AGMO: variants seen among roughly 807,000 people sequenced by gnomAD.
AGMO encodes the protein glyceryl-ether monooxygenase.
AGMO carries 75 observed loss-of-function variants against 60.2 expected under a neutral mutation model. That is an observed-to-expected ratio of 1.25 (90% CI 1.03 to 1.51). The LOEUF (loss-of-function observed/expected upper bound fraction) is 1.51, where lower values mean the gene tolerates loss of function less well. Among genes scored for constraint, AGMO ranks in the 40% most tolerant of loss-of-function variants. AGMO has a pLI of 0.00. For synonymous variants in AGMO, 261 were observed against 177.1 expected, an observed-to-expected ratio of 1.47 and a Z score of -3.76; for missense variants, 763 against 525.5, an observed-to-expected ratio of 1.45 and a Z score of -4.42.
chr7:15,365,599 T>G lies in AGMO; in HGVS notation c.1178A>C (p.Glu393Ala). ...LDQRPKAAIM[E>A]TLRCLMFLML... is the part of the protein sequence containing the mutation. ...TAAGAACATCAAGCAACGGAGAGTT[T>G]CCATAATAGCTGCCTTGGGTCTGAA... Residue 393 changes from glutamate to alanine, a missense_variant, in exon 12 of 13, where the codon GAA (glutamate) becomes GCA (alanine). Coordinates refer to ENST00000342526, the MANE Select transcript of AGMO (RefSeq NM_001004320.2). 6.2e-7 allele frequency: 1 copy of G among 1,612,558 alleles called. No individual in the cohort carries two copies. Among genetic ancestry groups the G allele is most frequent in the Non-Finnish European group, 8.5e-7 (1 of 1,178,886 alleles).
downstream of AGMO, among the ~76,000 whole-genome samples, chr7:15,195,395 G>C (rs1446795315): frequency 6.6e-6 from 1 of 152,244 alleles, no homozygotes; most frequent in Admixed American, 6.5e-5. Context: ...GGGTTGTACA[G>C]ATTGGCTTGA....
chr7:15,254,868 T>C (rs766848693), intron 12 of AGMO, among the ~76,000 whole-genome samples: 3 of 151,694 alleles, frequency 2.0e-5, no homozygotes, highest in South Asian at 2.1e-4. Context: ...TTAGAAAACA[T>C]AGAAGAAATG....
chr7:15,202,840 G>C (rs949998816), intron 12 of AGMO, among the ~76,000 whole-genome samples: 1 of 152,050 alleles, frequency 6.6e-6, no homozygotes, highest in Non-Finnish European at 1.5e-5. Context: ...ATAATACTGC[G>C]CTGGGGGGAG....
chr7:15,399,345 T>A (rs187230127), intron 5 of AGMO, among the ~76,000 whole-genome samples: 2 of 152,298 alleles, frequency 1.3e-5, no homozygotes, highest in African/African-American at 2.4e-5. Context: ...TTCATAAAGC[T>A]TTAAGAGCCA....
chr7:15,331,721 G>A (rs562682233), intron 12 of AGMO, among the ~76,000 whole-genome samples: 16 of 152,266 alleles, frequency 1.1e-4, no homozygotes, highest in African/African-American at 3.8e-4. Flanking sequence ...GAGGTCAGGA[G>A]TTTGAGTCCA....
chr7:15,559,880 G>A (rs1785255724), intron 2 of AGMO, among the ~76,000 whole-genome samples: 1 of 151,996 alleles, frequency 6.6e-6, no homozygotes, highest in African/African-American at 2.4e-5. Flanking sequence ...CTCAGAGTTG[G>A]AACCTCAATA....
At chr7:15,285,125 C>T (rs1162441201) in intron 12 of AGMO, among the ~76,000 whole-genome samples, 3 of 151,600 alleles carry the variant, frequency 2.0e-5, no homozygotes, top group African/African-American at 7.3e-5. Context: ...CAATGTCATA[C>T]TGAATGGTGA....
In AGMO at chr7:15,529,669, A is replaced by G. The variant is rs1359956156; in HGVS notation, c.409+15103T>C. On this transcript the variant is annotated intron_variant, in intron 3 of 12. Transcript: ENST00000342526. Reference sequence around the variant, plus strand: ...ATACTATATATTCTATATATATTCTATATATATTCTATATATAGAATATAT... The same window carrying G: ...ATACTATATATTCTATATATATTCTGTATATATTCTATATATAGAATATAT... Among the ~76,000 whole-genome samples, 158 of 97,092 alleles carry G rather than the reference A, an allele frequency of 1.6e-3. 48 individuals are homozygous for G. Among genetic ancestry groups the G allele is most frequent in the African/African-American group, 7.5e-3 (157 of 20,908 alleles). The allele number at this position is 97,092 out of a possible 152,430, so 63.7% of individuals were successfully genotyped here.
At chr7:15,451,114 C>T (rs983193127) in intron 3 of AGMO, among the ~76,000 whole-genome samples, 10 of 151,946 alleles carry the variant, frequency 6.6e-5, no homozygotes, top group African/African-American at 2.4e-4. Context: ...CCTTTCATCT[C>T]TTTCATCCAG....
intron 10 of AGMO, among the ~76,000 whole-genome samples, chr7:15,382,757 T>C (rs1168607294): frequency 2.0e-5 from 3 of 152,158 alleles, no homozygotes; most frequent in African/African-American, 7.2e-5. Flanking sequence ...AATTGAATAT[T>C]CTGTTTTTTT....
chr7:15,169,756 C>G, the AGMO span, among the ~76,000 whole-genome samples: 1 of 152,270 alleles, frequency 6.6e-6, no homozygotes, highest in Non-Finnish European at 1.5e-5. Flanking sequence ...TTTTCTTACA[C>G]TTTACTTGGA....
In AGMO at chr7:15,237,925, G is replaced by A. The variant is rs146640578; in HGVS notation, c.1264-36566C>T. On this transcript the variant is annotated intron_variant, in intron 12 of 12. Transcript: ENST00000342526. ...TCCATATAGTCTTTCTCAGAGATCC[G>A]TACCTCAGGAAAGACAGGGCTCTTA... Among the ~76,000 whole-genome samples the A allele has an allele frequency of 6.3e-3, 953 of 152,082 alleles. 5 individuals carry two copies. The highest frequency in any genetic ancestry group is 0.034 in the Middle Eastern group (10 of 294).
chr7:15,382,134 T>C (rs1462315568), intron 10 of AGMO, among the ~76,000 whole-genome samples: 3 of 152,132 alleles, frequency 2.0e-5, no homozygotes, highest in Non-Finnish European at 2.9e-5. Flanking sequence ...TTTACCTATG[T>C]AACAAAACTG....
the AGMO span, among the ~76,000 whole-genome samples, chr7:15,178,722 G>A: frequency 6.6e-6 from 1 of 152,138 alleles, no homozygotes; most frequent in Non-Finnish European, 1.5e-5. Flanking sequence ...GTAAATACCA[G>A]AAGGAAGGAG....
At chr7:15,195,040 G>T in the AGMO span, among the ~76,000 whole-genome samples, 1 of 152,094 alleles carries the variant, frequency 6.6e-6, no homozygotes, top group African/African-American at 2.4e-5. Flanking sequence ...CATTATGTAT[G>T]GACATCTTTT....
At chr7:15,295,867 A>G (rs548595809) in intron 12 of AGMO, among the ~76,000 whole-genome samples, 1 of 152,268 alleles carries the variant, frequency 6.6e-6, no homozygotes, top group Admixed American at 6.5e-5. Context: ...TGGAATTGGG[A>G]AGACTGAATG....
intron 10 of AGMO, among the ~76,000 whole-genome samples, chr7:15,380,713 C>G (rs185685852): frequency 3.4e-4 from 52 of 152,162 alleles, no homozygotes; most frequent in African/African-American, 1.2e-3. Context: ...TAAAAGAGCC[C>G]GAACAGCCCA....
At chr7:15,334,647 A>G (rs1166369569) in intron 12 of AGMO, among the ~76,000 whole-genome samples, 6 of 152,160 alleles carry the variant, frequency 3.9e-5, no homozygotes, top group African/African-American at 1.4e-4. Context: ...CAAAATTGCT[A>G]TGACTTCACT....
chr7:15,418,333 A>C (rs1780831201), intron 5 of AGMO, among the ~76,000 whole-genome samples: 1 of 152,068 alleles, frequency 6.6e-6, no homozygotes, highest in Non-Finnish European at 1.5e-5. Context: ...GGCACTTAAT[A>C]GTTCAAAAAA....
Sources: allele counts gnomAD v4.1 joint callset (sites outside exome capture counted in the v4.1 genomes callset), GRCh38; gene constraint gnomAD v4.1.1; transcripts MANE v1.5; gene names NCBI Gene and HGNC (gene_info 2026-07-23, HGNC 2026-07-21).